Variants in EZH1 observed in about 807,000 individuals in gnomAD.
EZH1 encodes enhancer of zeste 1 polycomb repressive complex 2 subunit, also known as histone-lysine N-methyltransferase EZH1.
EZH1 carries 33 observed loss-of-function variants against 100.5 expected under a neutral mutation model. The observed-to-expected ratio is 0.33, with a 90% CI of 0.25 to 0.44. EZH1 has a LOEUF of 0.44. Ranked by LOEUF, EZH1 falls within the 20% of genes least tolerant of loss-of-function variation. The probability of loss-of-function intolerance (pLI) is 1.00; values close to 1 mark genes in which losing one functional copy is unlikely to be tolerated. For synonymous variants in EZH1, 272 were observed against 313.8 expected, an observed-to-expected ratio of 0.87 and a Z score of 1.41; for missense variants, 475 against 928.4, an observed-to-expected ratio of 0.51 and a Z score of 6.35.
chr17:42,726,537 G>A (rs759444324), intron 4 of EZH1, among the ~76,000 whole-genome samples: 2 of 151,376 alleles, frequency 1.3e-5, no homozygotes, highest in Non-Finnish European at 2.9e-5. Flanking sequence ...TGGAGATGGT[G>A]TTTTGCTCTT....
intron 1 of EZH1, among the ~76,000 whole-genome samples, chr17:42,733,022 A>G (rs1597861421): frequency 8.5e-6 from 1 of 117,328 alleles, no homozygotes; most frequent in African/African-American, 3.6e-5. Flanking sequence ...AAAGTGAGAC[A>G]CCATCTCTAC....
chr17:42,720,475 A>G (rs747280774), intron 6 of EZH1, 26 bp from the exon 7 acceptor site: 116 of 1,591,334 alleles, frequency 7.3e-5, no homozygotes, highest in Non-Finnish European at 1.1e-5. Context: ...TCGAAAGATG[A>G]GCAGTGGTCA....
intron 6 of EZH1, 51 bp downstream of exon 6, chr17:42,722,744 G>T: frequency 6.3e-7 from 1 of 1,582,862 alleles, no homozygotes. Flanking sequence ...AGGTACCAAA[G>T]AAGAGGCCTG....
intron 10 of EZH1, among the ~76,000 whole-genome samples, chr17:42,715,012 A>T (rs571425626): frequency 1.4e-5 from 2 of 139,500 alleles, no homozygotes; most frequent in South Asian, 2.1e-4. Flanking sequence ...ATAAATATAA[A>T]ATATATATAA....
intron 1 of EZH1, among the ~76,000 whole-genome samples, chr17:42,732,351 G>T (rs2053966939): frequency 6.6e-6 from 1 of 152,088 alleles, no homozygotes; most frequent in African/African-American, 2.4e-5. Context: ...AAGGAAAAGA[G>T]GCTGGGTGCA....
At chr17:42,705,609 T>A in intron 16 of EZH1, 1 of 177,828 alleles carries the variant, frequency 5.6e-6, no homozygotes, top group Non-Finnish European at 1.2e-5. Flanking sequence ...AACCTCCACC[T>A]CCCAGGTTCA....
intron 1 of EZH1, among the ~76,000 whole-genome samples, chr17:42,737,025 G>A (rs936653846): frequency 4.0e-4 from 58 of 146,258 alleles, no homozygotes; most frequent in Non-Finnish European, 5.8e-4. Flanking sequence ...TCGCTCTGTC[G>A]CCCAGGCTGG....
At chr17:42,730,016 C>T (rs1027805875) in intron 2 of EZH1, among the ~76,000 whole-genome samples, 9 of 151,504 alleles carry the variant, frequency 5.9e-5, no homozygotes, top group East Asian at 3.9e-4. Context: ...CCAGCCTGGG[C>T]GACAGAGCAA....
chr17:42,715,526 C>T (rs1465419094), intron 10 of EZH1, among the ~76,000 whole-genome samples: 2 of 151,734 alleles, frequency 1.3e-5, no homozygotes, highest in African/African-American at 2.4e-5. Flanking sequence ...GGATTACAGG[C>T]GTGAGCCACC....
chr17:42,702,440 G>T lies in EZH1; in HGVS notation c.*92C>A. ...GGTTGGGGGGTTTCTCAGTGTGGGA[G>T]ACACAGTGCAGGAGACTCGAGCAGC... On this transcript the variant is annotated 3_prime_UTR_variant, in exon 21 of 21. Coordinates refer to ENST00000428826, the MANE Select transcript of EZH1 (RefSeq NM_001991.5). 9.1e-7 allele frequency: 1 copy of T among 1,097,862 alleles called. No individual in the cohort carries two copies. The highest frequency in any genetic ancestry group is 1.3e-6 in the Non-Finnish European group (1 of 753,250). 68.0% of individuals were successfully genotyped at this position (1,097,862 alleles called of 1,614,324 possible). A position where few individuals can be genotyped will look rare whatever the true frequency, so the allele number is the denominator to read the frequency against.
At position 42,718,470 on chromosome 17, in the gene EZH1, G is replaced by A. The variant is rs1445866239; in HGVS notation, c.915C>T (p.Tyr305=). 23 of 1,613,736 alleles carry A rather than the reference G, an allele frequency of 1.4e-5. No homozygotes were observed. Among genetic ancestry groups the A allele is most frequent in the South Asian group, 6.6e-5 (6 of 91,068 alleles). ...HTLFCRRCFK[Y]DCFLHPFHAT... is the part of the protein sequence containing the mutation. ...CCCACTCACGGTGAAGGAAGCAGTC[G>A]TATTTAAAGCAGCGCCGGCAAAAAA... Residue 305 remains tyrosine, a synonymous_variant, in exon 9 of 21, where the codon TAC becomes TAT. Coordinates refer to ENST00000428826, the MANE Select transcript of EZH1 (RefSeq NM_001991.5). This position sits in a 1 kb window ranked among gnomAD's most constrained non-coding sequence, Gnocchi z 4.2.
Position 42,713,210 on chromosome 17 carries a change from T to C in EZH1, c.1203A>G (p.Ser401=). 1 of 1,613,020 alleles carries C rather than the reference T, an allele frequency of 6.2e-7. No individual in the cohort carries two copies. The highest frequency in any genetic ancestry group is 8.5e-7 in the Non-Finnish European group (1 of 1,179,626). Residue 401 remains serine (S), a splice_region_variant and synonymous_variant, in exon 11 of 21, where the codon TCA becomes TCG. Coordinates refer to ENST00000428826, the MANE Select transcript of EZH1 (RefSeq NM_001991.5). Reference sequence around the variant, plus strand: ...GTCTTCATTTTCTGTTCATCGTACCTGAAGAACTGGAGGCCCAGTCATTGC... The same window carrying C: ...GTCTTCATTTTCTGTTCATCGTACCCGAAGAACTGGAGGCCCAGTCATTGC... ...DTGNDWASSS[S]EANSRCQTPT...
intron 1 of EZH1, among the ~76,000 whole-genome samples, chr17:42,737,276 G>A (rs1356658008): frequency 2.0e-5 from 3 of 152,174 alleles, no homozygotes; most frequent in East Asian, 3.9e-4. Flanking sequence ...GTGAGCCACC[G>A]CGCCCAGCCT....
At chr17:42,743,613 G>A (rs2054220524) in intron 1 of EZH1, among the ~76,000 whole-genome samples, 1 of 151,600 alleles carries the variant, frequency 6.6e-6, no homozygotes, top group Non-Finnish European at 1.5e-5. Context: ...GGGACTATAG[G>A]AGAAGGCCAC....
intron 20 of EZH1, 69 bp from the exon 21 acceptor site, chr17:42,702,661 C>A: frequency 6.7e-7 from 1 of 1,482,922 alleles, no homozygotes; most frequent in South Asian, 1.2e-5. Flanking sequence ...GCGGAGTCCC[C>A]TCCCGTTTCA....
At chr17:42,735,670 A>G (rs2143869710) in intron 1 of EZH1, among the ~76,000 whole-genome samples, 1 of 152,258 alleles carries the variant, frequency 6.6e-6, no homozygotes, top group South Asian at 2.1e-4. Context: ...CTATAGCTCA[A>G]TAATAAGACA....
chr17:42,722,581 C>T (rs567419678), intron 6 of EZH1, among the ~76,000 whole-genome samples: 21 of 143,930 alleles, frequency 1.5e-4, no homozygotes, highest in Non-Finnish European at 2.5e-4. Context: ...GCCTAGATTA[C>T]ACCACTGCAC....
Position 42,700,833 on chromosome 17 carries a change from T to C in EZH1, c.*1699A>G. On this transcript the variant is annotated 3_prime_UTR_variant, in exon 21 of 21. Transcript: ENST00000428826. Reference sequence around the variant, plus strand: ...CTGGGTGCGGGGTACGTGTGTGCCCTCCAGTGTGGTGAGTGAGAGCATGTG... The same window carrying C: ...CTGGGTGCGGGGTACGTGTGTGCCCCCCAGTGTGGTGAGTGAGAGCATGTG... 1 of 152,714 alleles carries C rather than the reference T, an allele frequency of 6.5e-6. No homozygotes were observed. The highest frequency in any genetic ancestry group is 1.5e-5 in the Non-Finnish European group (1 of 68,150). The allele number at this position is 152,714 out of a possible 1,614,324, so 9.5% of individuals were successfully genotyped here. A position where few individuals can be genotyped will look rare whatever the true frequency, so the allele number is the denominator to read the frequency against.
chr17:42,716,047 C>CAAAA (rs35668797), intron 10 of EZH1, among the ~76,000 whole-genome samples: 1 of 70,712 alleles, frequency 1.4e-5, no homozygotes, highest in Non-Finnish European at 2.9e-5. Context: ...AACTCTGTCT[C>CAAAA]AAAAAAAAAA....
Sources: gnomAD v4.1 joint callset for allele counts (sites outside exome capture counted in the v4.1 genomes callset) on GRCh38, gnomAD v4.1.1 for gene constraint, Gnocchi (gnomAD v3.1) non-coding constraint, MANE v1.5 for transcripts, NCBI Gene and HGNC (gene_info 2026-07-23, HGNC 2026-07-21) for gene names.